AFF3: variants seen among roughly 807,000 people sequenced by gnomAD.
The protein encoded by AFF3 is ALF transcription elongation factor 3.
A neutral mutation model predicts 129.7 loss-of-function variants in AFF3; 32 were observed. The ratio of observed to expected loss-of-function variants is 0.25; its 90% confidence interval spans 0.19 to 0.33. The LOEUF (loss-of-function observed/expected upper bound fraction) is 0.33, where lower values mean the gene tolerates loss of function less well. Among genes scored for constraint, AFF3 ranks in the 10% least tolerant of loss-of-function variants. AFF3 has a pLI of 1.00. For synonymous variants in AFF3, 644 were observed against 635.4 expected, an observed-to-expected ratio of 1.01 and a Z score of -0.20; for missense variants, 1,373 against 1,592.0, an observed-to-expected ratio of 0.86 and a Z score of 2.34.
At chr2:99,639,815 G>T (rs1396483187) in intron 13 of AFF3, among the ~76,000 whole-genome samples, 2 of 151,558 alleles carry the variant, frequency 1.3e-5, no homozygotes, top group African/African-American at 4.9e-5. Flanking sequence ...AGCCTCTCGA[G>T]TAGCTGTGAT....
chr2:100,080,057 A>G (rs753077434), intron 4 of AFF3, among the ~76,000 whole-genome samples: 8 of 152,236 alleles, frequency 5.3e-5, no homozygotes, highest in Non-Finnish European at 8.8e-5. Context: ...CCAACCAAGA[A>G]TAAGAACCAG....
intron 4 of AFF3, among the ~76,000 whole-genome samples, chr2:100,102,140 A>C (rs1376065462): frequency 6.6e-6 from 1 of 152,148 alleles, no homozygotes; most frequent in African/African-American, 2.4e-5. Context: ...CTCAAATATT[A>C]GTTATTTTGA....
At chr2:99,693,165 C>T (rs1338513211) in intron 11 of AFF3, among the ~76,000 whole-genome samples, 1 of 152,178 alleles carries the variant, frequency 6.6e-6, no homozygotes, top group Non-Finnish European at 1.5e-5. Flanking sequence ...AAAGAACTGG[C>T]TGATGAATAA....
chr2:99,604,450 CCA>C (rs201556318), intron 13 of AFF3, among the ~76,000 whole-genome samples: 6,166 of 152,144 alleles, frequency 0.041, 257 homozygotes, highest in Non-Finnish European at 0.054. Context: ...GAGAAGGGAA[CCA>C]CACACACTGG....
chr2:99,962,436 A>G (rs1677317486), intron 7 of AFF3, among the ~76,000 whole-genome samples: 1 of 152,262 alleles, frequency 6.6e-6, no homozygotes. Context: ...GATGATGCCA[A>G]TGCTGAGATG....
intron 7 of AFF3, among the ~76,000 whole-genome samples, chr2:99,914,521 C>A (rs183119974): frequency 1.3e-5 from 2 of 152,236 alleles, no homozygotes; most frequent in Non-Finnish European, 2.9e-5. Context: ...TAGATTATAG[C>A]ATTGTATTCA....
intron 12 of AFF3, among the ~76,000 whole-genome samples, chr2:99,668,168 A>G (rs1477095667): frequency 6.6e-6 from 1 of 151,878 alleles, no homozygotes; most frequent in East Asian, 2.0e-4. Context: ...CCAAAAAAAA[A>G]AATTTGTTTT....
chr2:99,883,396 T>G (rs933510122), intron 7 of AFF3, among the ~76,000 whole-genome samples: 1 of 152,212 alleles, frequency 6.6e-6, no homozygotes, highest in African/African-American at 2.4e-5. Context: ...ATAAGCCCCA[T>G]GCTATATGAC....
intron 4 of AFF3, among the ~76,000 whole-genome samples, chr2:100,075,543 A>G (rs1688520748): frequency 6.6e-6 from 1 of 152,270 alleles, no homozygotes; most frequent in African/African-American, 2.4e-5. Flanking sequence ...AGCTTGGAGA[A>G]TAAGTACTTA....
Position 99,560,238 on chromosome 2 carries a change from A to G in AFF3, c.3191+127T>C, listed in dbSNP as rs1297656984. 4 of 994,482 alleles carry G rather than the reference A, an allele frequency of 4.0e-6. No individual in the cohort carries two copies. In the Admixed American group the frequency reaches 6.8e-5, roughly 17 times the overall value. The allele number at this position is 994,482 out of a possible 1,614,324, so 61.6% of individuals were successfully genotyped here. A position where few individuals can be genotyped will look rare whatever the true frequency, so the allele number is the denominator to read the frequency against. On this transcript the variant is annotated intron_variant, in intron 21 of 24. Transcript: ENST00000672756. Reference sequence around the variant, plus strand: ...AAAATGGTCTGGACTTTCCCTGGTCATTAGAACTGCTCTGGGGCTTTGTAT... The same window carrying G: ...AAAATGGTCTGGACTTTCCCTGGTCGTTAGAACTGCTCTGGGGCTTTGTAT...
chr2:99,785,825 G>A (rs1684746626), intron 8 of AFF3, among the ~76,000 whole-genome samples: 1 of 152,148 alleles, frequency 6.6e-6, no homozygotes, highest in Non-Finnish European at 1.5e-5. Flanking sequence ...TCAGCTCACT[G>A]CAACCTCAGC....
intron 8 of AFF3, among the ~76,000 whole-genome samples, chr2:99,819,583 T>C (rs577582544): frequency 3.1e-4 from 47 of 152,362 alleles, no homozygotes; most frequent in African/African-American, 1.1e-3. Context: ...TTAGATATGT[T>C]GATTCACTAA....
intron 20 of AFF3, 143 bp downstream of exon 20, chr2:99,565,344 C>G: frequency 8.2e-7 from 1 of 1,224,018 alleles, no homozygotes; most frequent in Non-Finnish European, 1.1e-6. Context: ...ACGCCTTGCA[C>G]GACCTTACCC....
intron 7 of AFF3, among the ~76,000 whole-genome samples, chr2:99,882,471 G>A (rs934998369): frequency 1.3e-5 from 2 of 152,152 alleles, no homozygotes; most frequent in African/African-American, 4.8e-5. Context: ...GCTACAGACC[G>A]GCTGCAGCCC....
intron 12 of AFF3, among the ~76,000 whole-genome samples, chr2:99,662,967 C>T (rs1036975084): frequency 5.3e-5 from 8 of 152,184 alleles, no homozygotes; most frequent in African/African-American, 1.9e-4. Context: ...TAAATTTTCA[C>T]AGGCCAAGAG....
rs151170493 is a variant in AFF3, at chr2:99,695,731, T to C, written c.1092-23142A>G. Among the ~76,000 whole-genome samples the C allele has an allele frequency of 4.6e-3, 698 of 152,026 alleles. 4 individuals carry two copies. Among genetic ancestry groups the C allele is most frequent in the African/African-American group, 0.016 (651 of 41,468 alleles). On this transcript the variant is annotated intron_variant, in intron 11 of 24. Transcript: ENST00000672756. ...AACACAGTACTCCATTTCTACTTTT[T>C]TATTGGTAAGCGATGGGATTTCATT...
intron 21 of AFF3, 63 bp downstream of exon 21, chr2:99,560,302 C>G: frequency 6.5e-7 from 1 of 1,545,080 alleles, no homozygotes; most frequent in Non-Finnish European, 8.9e-7. Flanking sequence ...CTTTCAGCAC[C>G]TGGTTTGCCA....
intron 11 of AFF3, among the ~76,000 whole-genome samples, chr2:99,704,672 G>A (rs1677188595): frequency 6.6e-6 from 1 of 152,220 alleles, no homozygotes; most frequent in Admixed American, 6.5e-5. Context: ...AAATATGTGA[G>A]CCCTGAAATC....
intron 13 of AFF3, among the ~76,000 whole-genome samples, chr2:99,611,331 A>G: frequency 6.6e-6 from 1 of 152,242 alleles, no homozygotes; most frequent in Admixed American, 6.5e-5. Context: ...TTCTCATTCA[A>G]GTTGAGATTT....
Sources: allele counts gnomAD v4.1 joint callset (sites outside exome capture counted in the v4.1 genomes callset), GRCh38; gene constraint gnomAD v4.1.1; transcripts MANE v1.5; gene names NCBI Gene and HGNC (gene_info 2026-07-23, HGNC 2026-07-21).